The following ABCA8 variants were observed in gnomAD, a reference collection of about 807,000 sequenced individuals.
ABCA8 encodes ATP binding cassette subfamily A member 8, also known as ABC-type organic anion transporter ABCA8.
Under a neutral mutation model 192.3 loss-of-function variants are expected in ABCA8, and 177 were observed. That is an observed-to-expected ratio of 0.92 (90% confidence interval 0.81 to 1.04). The LOEUF (loss-of-function observed/expected upper bound fraction) is 1.04. ABCA8 is among the 50% of genes least tolerant of loss of function. The probability of loss-of-function intolerance (pLI) is 0.00; values close to 1 mark genes in which losing one functional copy is unlikely to be tolerated. For missense variants in ABCA8, 1,915 were observed against 1,904.8 expected (o/e 1.01, Z -0.10); for synonymous variants, 642 against 690.2 (o/e 0.93, Z 1.09).
At chr17:68,875,792 T>C (rs896347142) in intron 35 of ABCA8, 59 bp from the exon 36 acceptor site, 8 of 1,552,552 alleles carry the variant, frequency 5.2e-6, no homozygotes, top group African/African-American at 1.4e-5. Flanking sequence ...CAGAAAGAGA[T>C]AGAGAAAAGA....
intron 21 of ABCA8, among the ~76,000 whole-genome samples, chr17:68,898,194 A>G (rs2066814690): frequency 1.3e-5 from 2 of 152,178 alleles, no homozygotes; most frequent in Non-Finnish European, 2.9e-5. Flanking sequence ...TACTGAAAAA[A>G]ATTCAGCCAA....
chr17:68,924,478 G>A (rs565567538), intron 11 of ABCA8, among the ~76,000 whole-genome samples: 17 of 152,254 alleles, frequency 1.1e-4, no homozygotes, highest in South Asian at 4.2e-4. Context: ...ATCTTAGCTG[G>A]TAAAATTTAA....
chr17:68,942,120 C>A (rs766931678), intron 2 of ABCA8, 81 bp from the exon 3 acceptor site: 5 of 987,638 alleles, frequency 5.1e-6, no homozygotes, highest in African/African-American at 4.9e-5. Flanking sequence ...AACAAAAAAA[C>A]GTAGCCTAAT....
rs114198819 is a variant in ABCA8, at chr17:68,908,607, T to C, written c.2139-728A>G. ...GGATGAATGTGGTTTGCTTTTCTTG[T>C]AATGCTAAGCCCAGAACTTTGAATA... On this transcript the variant is annotated intron_variant, in intron 17 of 39. Transcript: ENST00000586539. 2.5e-3 allele frequency among the ~76,000 whole-genome samples: 374 copies of C among 152,340 alleles called. 2 individuals carry two copies. The highest frequency in any genetic ancestry group is 8.5e-3 in the African/African-American group (353 of 41,576).
Position 68,936,969 on chromosome 17 carries a change from CCTT to C in ABCA8, c.445_447del (p.Lys149del). 1 of 1,601,938 alleles carries C rather than the reference CCTT, an allele frequency of 6.2e-7. No individual in the cohort carries two copies. Among genetic ancestry groups the C allele is most frequent in the Non-Finnish European group, 8.5e-7 (1 of 1,176,018 alleles). Reference sequence around the variant, plus strand: ...AAATTACCTGTATGGTCCTTGTGCTCCTTCTTTGCTGGCATTCCATGTCCTAGC... The same window carrying C: ...AAATTACCTGTATGGTCCTTGTGCTCCTTTGCTGGCATTCCATGTCCTAGC... On this transcript the variant is annotated inframe_deletion, in exon 5 of 40. Coordinates refer to ENST00000586539, the MANE Select transcript of ABCA8 (RefSeq NM_001288985.2).
intron 4 of ABCA8, among the ~76,000 whole-genome samples, chr17:68,937,792 C>T (rs1365860150): frequency 6.6e-6 from 1 of 152,084 alleles, no homozygotes; most frequent in East Asian, 1.9e-4. Context: ...TCATCATGAG[C>T]AAATTCCTTA....
Position 68,940,846 on chromosome 17 carries a change from A to T in ABCA8, c.213T>A (p.Asn71Lys). ...TMDLGRVDTF[N>K]ESRFSVVYTP... Reference sequence around the variant, plus strand: ...TGTATACAACAGAAAATCTGGATTCATTAAATGTATCTACCCGTCCCAGGT... The same window carrying T: ...TGTATACAACAGAAAATCTGGATTCTTTAAATGTATCTACCCGTCCCAGGT... Residue 71 changes from asparagine (N) to lysine (K), a missense_variant, in exon 4 of 40, where the codon AAT becomes AAA. By Grantham distance (94) the Asn-to-Lys change is moderately conservative. Coordinates refer to ENST00000586539, the MANE Select transcript of ABCA8 (RefSeq NM_001288985.2). The T allele has an allele frequency of 3.7e-6, 6 of 1,613,578 alleles. No individual in the cohort carries two copies. Among genetic ancestry groups the T allele is most frequent in the Non-Finnish European group, 5.1e-6 (6 of 1,179,594 alleles).
rs1314561172 is a variant in ABCA8 at position 68,918,517 on chromosome 17, C to T, written c.1818G>A (p.Met606Ile). The T allele has an allele frequency of 6.6e-7, 1 of 1,520,294 alleles. No homozygotes were observed. The highest frequency in any genetic ancestry group is 8.7e-7 in the Non-Finnish European group (1 of 1,143,044). 94.2% of individuals were successfully genotyped at this position (1,520,294 alleles called of 1,614,324 possible). The change falls in exon 15 of 40, where the codon ATG (methionine) becomes ATA (isoleucine). Residue 606 changes from methionine to isoleucine, a missense_variant. Met to Ile is a conservative substitution (Grantham distance 10). Coordinates refer to ENST00000586539, the MANE Select transcript of ABCA8 (RefSeq NM_001288985.2). ...EIQRVLLELE[M>I]KNIQDVLAQN... ...GAGCAAGAACATCCTGAATATTTTT[C>T]ATTTCCAATTCCAGCAGAACCCTTT...
chr17:68,945,844 G>A (rs574619316), intron 2 of ABCA8, among the ~76,000 whole-genome samples: 28 of 151,908 alleles, frequency 1.8e-4, no homozygotes, highest in African/African-American at 5.3e-4. Context: ...TATATTATGC[G>A]TGTATGCACT....
Position 68,887,111 on chromosome 17 carries a change from T to C in ABCA8, c.3335A>G (p.Tyr1112Cys). 1 of 1,609,838 alleles carries C rather than the reference T, an allele frequency of 6.2e-7. No individual in the cohort carries two copies. The highest frequency in any genetic ancestry group is 1.1e-5 in the South Asian group (1 of 90,280). ...TGTCATGAAGATGAGGGAAAAGGAA[T>C]AACCAACAGCACATGGGATCTAAAA... The part of the protein sequence containing the change: ...HIIQIPCAVG[Y>C]SFSLIFMTYV... Residue 1112 changes from tyrosine (Y) to cysteine (C), a missense_variant, in exon 26 of 40, where the codon TAT becomes TGT. By Grantham distance (194) the Tyr-to-Cys change is radical (BLOSUM62 -2). Coordinates refer to ENST00000586539, the MANE Select transcript of ABCA8 (RefSeq NM_001288985.2).
chr17:68,931,383 T>C (rs947810521), intron 7 of ABCA8, among the ~76,000 whole-genome samples: 3 of 152,216 alleles, frequency 2.0e-5, no homozygotes, highest in Non-Finnish European at 4.4e-5. Flanking sequence ...TGTTTAAAAG[T>C]GGCATTTTCT....
chr17:68,932,191 C>G (rs2067911080), intron 7 of ABCA8, 97 bp downstream of exon 7: 2 of 924,042 alleles, frequency 2.2e-6, no homozygotes, highest in East Asian at 5.4e-5. Flanking sequence ...GCCTGGGCGA[C>G]AGAGCGAGAC....
chr17:68,896,648 A>G (rs1273720555), intron 21 of ABCA8, among the ~76,000 whole-genome samples: 1 of 152,158 alleles, frequency 6.6e-6, no homozygotes, highest in African/African-American at 2.4e-5. Context: ...AAGACATCAC[A>G]GTGCTTGTGT....
intron 29 of ABCA8, among the ~76,000 whole-genome samples, chr17:68,883,081 A>C (rs530739317): frequency 4.3e-4 from 65 of 152,128 alleles, no homozygotes; most frequent in Admixed American, 1.7e-3. Context: ...TAGATGCTTG[A>C]TCTCTCATTT....
chr17:68,875,881 G>A, intron 35 of ABCA8, 148 bp from the exon 36 acceptor site: 1 of 902,740 alleles, frequency 1.1e-6, no homozygotes, highest in Non-Finnish European at 1.6e-6. Context: ...CAGGTAGGAT[G>A]AGGAAGGACA....
intron 37 of ABCA8, 21 bp downstream of exon 37, chr17:68,875,239 C>T (rs2066167329): frequency 6.2e-7 from 1 of 1,612,384 alleles, no homozygotes; most frequent in South Asian, 1.1e-5. Flanking sequence ...GTACCATTTC[C>T]AAAACAGCAA....
chr17:68,915,716 A>G (rs183100239), intron 17 of ABCA8, among the ~76,000 whole-genome samples: 224 of 152,262 alleles, frequency 1.5e-3, no homozygotes, highest in Middle Eastern at 3.4e-3. Flanking sequence ...CAACGTTTTC[A>G]AGTTCCACAA....
At chr17:68,870,085 A>G (rs1334189811) in intron 37 of ABCA8, among the ~76,000 whole-genome samples, 1 of 152,156 alleles carries the variant, frequency 6.6e-6, no homozygotes, top group African/African-American at 2.4e-5. Flanking sequence ...AGGGCCTTGA[A>G]CATTCCCAGG....
At chr17:68,885,400 A>G (rs2066432299) in intron 26 of ABCA8, 85 bp from the exon 27 acceptor site, 1 of 1,339,900 alleles carries the variant, frequency 7.5e-7, no homozygotes, top group Non-Finnish European at 1.0e-6. Context: ...AGATATTACT[A>G]ATTTCAACTC....
Sources: gnomAD v4.1 joint callset for allele counts (sites outside exome capture counted in the v4.1 genomes callset) on GRCh38, gnomAD v4.1.1 for gene constraint, MANE v1.5 for transcripts, NCBI Gene and HGNC (gene_info 2026-07-23, HGNC 2026-07-21) for gene names.